The following SLC14A2 variants were observed in gnomAD, a reference collection of about 807,000 sequenced individuals.
The protein encoded by SLC14A2 is solute carrier family 14 member 2.
SLC14A2 carries 91 observed loss-of-function variants against 104.6 expected under a neutral mutation model. The observed-to-expected ratio is 0.87, with a 90% CI of 0.73 to 1.04. The LOEUF is 1.04. Among genes scored for constraint, SLC14A2 ranks in the 50% least tolerant of loss-of-function variants. The pLI, the probability that SLC14A2 is intolerant of heterozygous loss-of-function variation, is 0.00. For missense variants in SLC14A2, 1,189 were observed against 1,156.0 expected (o/e 1.03, Z -0.41); for synonymous variants, 476 against 466.4 (o/e 1.02, Z -0.27).
In SLC14A2 at chr18:45,254,168, C is replaced by T. The variant is rs147041115; in HGVS notation, c.-125+40977C>T. ...TGTCAACCAGCTCCTCTCATTCAGT[C>T]GACACTCTTGCCAGCTGGCCATGTG... On this transcript the variant is annotated intron_variant, in intron 1 of 20. Transcript: ENST00000586448. Among the ~76,000 whole-genome samples, 330 of 152,318 alleles carry T rather than the reference C, an allele frequency of 2.2e-3. 2 individuals are homozygous for T. The highest frequency in any genetic ancestry group is 3.9e-3 in the Non-Finnish European group (262 of 68,030).
rs758079879 is a variant in SLC14A2, at chr18:45,349,898, A to C, written c.-124-133335A>C. On this transcript the variant is annotated intron_variant, in intron 1 of 20. Transcript: ENST00000586448. ...GTAATTTGGCAAAAGGCAATGTCTA[A>C]ATGCATCAATGGCAGGAAACATTGA... Among the ~76,000 whole-genome samples, 8 of 152,272 alleles carry C rather than the reference A, an allele frequency of 5.3e-5. No individual in the cohort carries two copies. In the East Asian group the frequency reaches 1.5e-3, roughly 29 times the overall value.
intron 2 of SLC14A2, among the ~76,000 whole-genome samples, chr18:45,535,963 T>C (rs1039426038): frequency 1.3e-5 from 2 of 152,150 alleles, no homozygotes; most frequent in Admixed American, 1.3e-4. Context: ...TAAAGATAAA[T>C]AGATGAGATG....
intron 2 of SLC14A2, among the ~76,000 whole-genome samples, chr18:45,596,144 CCCTCT>C (rs1166465762): frequency 1.3e-5 from 2 of 152,182 alleles, no homozygotes; most frequent in East Asian, 3.9e-4. Flanking sequence ...ACCCCAGTTG[CCCTCT>C]CCTATCTTGC....
At chr18:45,643,544 T>A (rs919888281) in intron 9 of SLC14A2, among the ~76,000 whole-genome samples, 8 of 152,194 alleles carry the variant, frequency 5.3e-5, no homozygotes, top group Non-Finnish European at 8.8e-5. Context: ...GTTTTTGTTT[T>A]CTTTGCAAGA....
intron 18 of SLC14A2, among the ~76,000 whole-genome samples, chr18:45,675,707 A>AT (rs2046216074): frequency 2.4e-5 from 2 of 83,442 alleles, no homozygotes; most frequent in African/African-American, 9.4e-5. Context: ...ATATATATAT[A>AT]TATTTTTTTT....
At chr18:45,669,262 C>G in intron 15 of SLC14A2, 44 bp from the exon 16 acceptor site, 1 of 1,532,580 alleles carries the variant, frequency 6.5e-7, no homozygotes, top group Non-Finnish European at 8.9e-7. Context: ...AGTGTTATGA[C>G]CAGGCGGCTT....
intron 1 of SLC14A2, among the ~76,000 whole-genome samples, chr18:45,373,661 C>A (rs895121728): frequency 1.3e-5 from 2 of 152,158 alleles, no homozygotes; most frequent in African/African-American, 2.4e-5. Flanking sequence ...TTATATATGG[C>A]CCTGAGAAAA....
chr18:45,449,766 T>G (rs1175357782), intron 1 of SLC14A2, among the ~76,000 whole-genome samples: 1 of 152,172 alleles, frequency 6.6e-6, no homozygotes, highest in Non-Finnish European at 1.5e-5. Flanking sequence ...AGAATCAAAC[T>G]TAGTTTTAAT....
intron 1 of SLC14A2, among the ~76,000 whole-genome samples, chr18:45,345,025 C>A (rs542466499): frequency 3.9e-5 from 6 of 152,142 alleles, no homozygotes; most frequent in Non-Finnish European, 8.8e-5. Flanking sequence ...AAGTGTTGGA[C>A]GTGCAGTATG....
the SLC14A2 span, among the ~76,000 whole-genome samples, chr18:45,199,363 A>T: frequency 5.5e-4 from 84 of 152,238 alleles, no homozygotes; most frequent in African/African-American, 2.0e-3. Context: ...AATTCTTATC[A>T]GACAGATATT....
At chr18:45,233,029 G>A (rs1433059230) in intron 1 of SLC14A2, among the ~76,000 whole-genome samples, 2 of 152,178 alleles carry the variant, frequency 1.3e-5, no homozygotes, top group African/African-American at 2.4e-5. Flanking sequence ...TTCCTTTTGG[G>A]TGAAACAATT....
At chr18:45,679,522 G>A (rs528574153) in intron 19 of SLC14A2, among the ~76,000 whole-genome samples, 69 of 152,342 alleles carry the variant, frequency 4.5e-4, no homozygotes, top group African/African-American at 1.6e-3. Flanking sequence ...CTGGGCTCCA[G>A]TGTAGGGTGA....
intron 2 of SLC14A2, among the ~76,000 whole-genome samples, chr18:45,598,169 A>T (rs1442995511): frequency 6.6e-6 from 1 of 152,248 alleles, no homozygotes; most frequent in Non-Finnish European, 1.5e-5. Context: ...CCTTCTAGTC[A>T]AAATGGAGCC....
rs557455042 is a variant in SLC14A2 at position 45,323,004 on chromosome 18, G to A, written c.-125+109813G>A. On this transcript the variant is annotated intron_variant, in intron 1 of 20. Coordinates refer to the SLC14A2 transcript ENST00000586448. The stretch of plus-strand genomic sequence containing the variant: ...GCAAAGTTGAAATTATATTCTTTTC[G>A]TCCTGTTTGATGTAAAAACAAAACA... Among the ~76,000 whole-genome samples, 11 of 152,210 alleles carry A rather than the reference G, an allele frequency of 7.2e-5. No individual in the cohort carries two copies. The East Asian group carries it at 7.7e-4, about 11-fold the overall frequency.
At chr18:45,664,535 G>C (rs1337182551) in intron 11 of SLC14A2, among the ~76,000 whole-genome samples, 2 of 152,210 alleles carry the variant, frequency 1.3e-5, no homozygotes, top group Non-Finnish European at 2.9e-5. Flanking sequence ...AGGACACAGG[G>C]ACCATCTAAT....
At chr18:45,552,813 T>C (rs1056403974) in intron 2 of SLC14A2, among the ~76,000 whole-genome samples, 2 of 152,100 alleles carry the variant, frequency 1.3e-5, no homozygotes, top group Non-Finnish European at 1.5e-5. Flanking sequence ...ACAGCAGGGA[T>C]CTGCAGAGCT....
intron 19 of SLC14A2, among the ~76,000 whole-genome samples, chr18:45,679,592 T>C (rs369233863): frequency 1.5e-4 from 23 of 152,300 alleles, no homozygotes; most frequent in South Asian, 4.1e-4. Flanking sequence ...GGCTCAGGGC[T>C]CCACTTGCAG....
At chr18:45,207,143 C>A in the SLC14A2 span, among the ~76,000 whole-genome samples, 1 of 152,064 alleles carries the variant, frequency 6.6e-6, no homozygotes, top group African/African-American at 2.4e-5. Flanking sequence ...AATGGTGAGG[C>A]TTTGCAAGCA....
At chr18:45,599,927 A>G (rs2044766010) in intron 2 of SLC14A2, among the ~76,000 whole-genome samples, 1 of 152,158 alleles carries the variant, frequency 6.6e-6, no homozygotes, top group Non-Finnish European at 1.5e-5. Context: ...TCACAAGAAC[A>G]GCATGGGAAA....
Sources: allele counts gnomAD v4.1 joint callset (sites outside exome capture counted in the v4.1 genomes callset), GRCh38; gene constraint gnomAD v4.1.1; transcripts MANE v1.5; gene names NCBI Gene and HGNC (gene_info 2026-07-23, HGNC 2026-07-21).